NOL4: variants seen among roughly 807,000 people sequenced by gnomAD.
NOL4 encodes cancer/testis antigen 125.
In NOL4, 17 loss-of-function variants were observed where a neutral mutation model predicts 75.9. That is an observed-to-expected ratio of 0.22 (90% CI 0.15 to 0.34). NOL4 has a LOEUF of 0.34. Among genes scored for constraint, NOL4 ranks in the 10% least tolerant of loss-of-function variants. The pLI, the probability that NOL4 is intolerant of heterozygous loss-of-function variation, is 1.00. For synonymous variants in NOL4, 292 were observed against 289.9 expected, an observed-to-expected ratio of 1.01 and a Z score of -0.07; for missense variants, 614 against 793.5, an observed-to-expected ratio of 0.77 and a Z score of 2.72.
At chr18:34,037,836 G>T (rs1007968988) in intron 5 of NOL4, among the ~76,000 whole-genome samples, 3 of 151,984 alleles carry the variant, frequency 2.0e-5, no homozygotes, top group Admixed American at 1.3e-4. Flanking sequence ...ACTGGTCTAG[G>T]CAAAGGTTTC....
Position 33,957,472 on chromosome 18 carries a change from G to C in NOL4, c.1282C>G (p.Pro428Ala). 1 of 1,613,424 alleles carries C rather than the reference G, an allele frequency of 6.2e-7. No individual in the cohort carries two copies. The highest frequency in any genetic ancestry group is 8.5e-7 in the Non-Finnish European group (1 of 1,179,698). ...FVDENLDRMV[P>A]ISKQPKEKIQ... ...TTTTCTTTGGGCTGCTTAGAGATTGGGACCATTCGGTCCAAGTTTTCATCT... is the reference window on the plus strand; with the variant it reads ...TTTTCTTTGGGCTGCTTAGAGATTGCGACCATTCGGTCCAAGTTTTCATCT... The change falls in exon 8 of 11, where the codon CCA becomes GCA. Residue 428 changes from proline to alanine, a missense_variant. Around this residue, in one of 9 missense-constraint regions of NOL4, gnomAD observed 52 missense variants for 121.1 expected, o/e 0.43. Transcript: ENST00000261592.
In NOL4 at chr18:33,989,093, G is replaced by C. The variant is rs572380971; in HGVS notation, c.1056+30225C>G. On this transcript the variant is annotated intron_variant, in intron 6 of 10. Coordinates refer to ENST00000261592, the MANE Select transcript of NOL4 (RefSeq NM_003787.5). Reference sequence around the variant, plus strand: ...TCTCAGATATTTGGGAGGCTGAGGTGGGGAGGATCAACTGAGCCCAGGAGG... The same window carrying C: ...TCTCAGATATTTGGGAGGCTGAGGTCGGGAGGATCAACTGAGCCCAGGAGG... Among the ~76,000 whole-genome samples the C allele has an allele frequency of 3.3e-5, 5 of 150,148 alleles. No individual in the cohort carries two copies. In the South Asian group the frequency reaches 1.1e-3, roughly 32 times the overall value.
At chr18:34,196,274 G>T (rs946488865) in intron 1 of NOL4, among the ~76,000 whole-genome samples, 2 of 152,040 alleles carry the variant, frequency 1.3e-5, no homozygotes, top group Non-Finnish European at 2.9e-5. Context: ...AAATACTAAG[G>T]ACAGTCAACT....
chr18:33,998,491 T>C (rs1164843293), intron 6 of NOL4, among the ~76,000 whole-genome samples: 1 of 152,072 alleles, frequency 6.6e-6, no homozygotes, highest in Non-Finnish European at 1.5e-5. Flanking sequence ...AATATACTGG[T>C]GGGCAGAAAA....
At chr18:34,054,480 TTTTTA>T (rs1267857380) in intron 5 of NOL4, among the ~76,000 whole-genome samples, 1 of 151,910 alleles carries the variant, frequency 6.6e-6, no homozygotes, top group East Asian at 1.9e-4. Flanking sequence ...CTTCTAACCA[TTTTTA>T]TTTTAAAGTC....
chr18:34,168,479 T>C (rs1427082436), intron 1 of NOL4, among the ~76,000 whole-genome samples: 1 of 150,276 alleles, frequency 6.7e-6, no homozygotes, highest in African/African-American at 2.4e-5. Context: ...GCCCCACAGA[T>C]AGGAAAAGAA....
intron 9 of NOL4, among the ~76,000 whole-genome samples, chr18:33,925,067 A>T (rs1462936373): frequency 3.9e-5 from 6 of 152,212 alleles, no homozygotes; most frequent in African/African-American, 1.4e-4. Context: ...AAATAATAAT[A>T]GTGATAATGT....
intron 1 of NOL4, among the ~76,000 whole-genome samples, chr18:34,155,865 A>T (rs1173273679): frequency 6.6e-6 from 1 of 152,160 alleles, no homozygotes; most frequent in Admixed American, 6.6e-5. Flanking sequence ...TCTTGTCATG[A>T]TTAAAAACTT....
chr18:34,004,955 T>A (rs925349876), intron 6 of NOL4, among the ~76,000 whole-genome samples: 6 of 152,070 alleles, frequency 3.9e-5, no homozygotes, highest in African/African-American at 1.4e-4. Context: ...AAACCTATGC[T>A]TTTTCCATTT....
At chr18:34,113,843 CTA>C (rs2079723875) in intron 2 of NOL4, among the ~76,000 whole-genome samples, 1 of 152,130 alleles carries the variant, frequency 6.6e-6, no homozygotes, top group South Asian at 2.1e-4. Context: ...TTAAGTACCT[CTA>C]TGACTCTTAC....
intron 2 of NOL4, among the ~76,000 whole-genome samples, chr18:34,126,320 G>A (rs981860232): frequency 2.0e-5 from 3 of 152,228 alleles, no homozygotes; most frequent in Middle Eastern, 3.4e-3. Flanking sequence ...TTGAAACTGC[G>A]TTAGTCTGGC....
chr18:33,991,937 GT>G (rs1217469812), intron 6 of NOL4, among the ~76,000 whole-genome samples: 3 of 148,028 alleles, frequency 2.0e-5, no homozygotes, highest in Admixed American at 2.0e-4. Flanking sequence ...GAAGTCCTAG[GT>G]TTTTGTACTT....
chr18:33,925,135 T>C (rs1217156786), intron 9 of NOL4, among the ~76,000 whole-genome samples: 3 of 52,280 alleles, frequency 5.7e-5, no homozygotes, highest in South Asian at 4.7e-4. Flanking sequence ...ATTTAAAATA[T>C]ACAATAACAC....
At chr18:33,946,763 A>T (rs780706504) in intron 8 of NOL4, among the ~76,000 whole-genome samples, 2 of 151,750 alleles carry the variant, frequency 1.3e-5, no homozygotes, top group African/African-American at 4.8e-5. Flanking sequence ...TATGATCTTC[A>T]TTAAAAGCAC....
chr18:34,017,189 AC>A (rs2074745655), intron 6 of NOL4, among the ~76,000 whole-genome samples: 1 of 152,102 alleles, frequency 6.6e-6, no homozygotes, highest in Non-Finnish European at 1.5e-5. Context: ...TTAAACTCTT[AC>A]TGTTTTAATA....
intron 6 of NOL4, among the ~76,000 whole-genome samples, chr18:33,968,597 A>G (rs1003440776): frequency 5.3e-5 from 8 of 152,228 alleles, no homozygotes; most frequent in Non-Finnish European, 1.0e-4. Flanking sequence ...TAAAGATTTG[A>G]ACAACAAACT....
At chr18:33,935,758 A>T (rs1302435145) in intron 9 of NOL4, among the ~76,000 whole-genome samples, 1 of 152,142 alleles carries the variant, frequency 6.6e-6, no homozygotes, top group Non-Finnish European at 1.5e-5. Flanking sequence ...AGTTCAATAA[A>T]ATGAGGAATG....
chr18:34,066,068 AT>A (rs1165165571), intron 5 of NOL4, among the ~76,000 whole-genome samples: 1 of 151,918 alleles, frequency 6.6e-6, no homozygotes, highest in African/African-American at 2.4e-5. Flanking sequence ...GGTTCACAGG[AT>A]TGATTTGAAG....
chr18:33,883,962 C>T (rs1203379523), intron 9 of NOL4, among the ~76,000 whole-genome samples: 1 of 151,914 alleles, frequency 6.6e-6, no homozygotes, highest in Non-Finnish European at 1.5e-5. Flanking sequence ...GGAGGAGCTA[C>T]TGGGGAGTCT....
Sources: allele counts gnomAD v4.1 joint callset (sites outside exome capture counted in the v4.1 genomes callset), GRCh38; gene constraint gnomAD v4.1.1; regional missense constraint gnomAD v4.1.1; transcripts MANE v1.5; gene names NCBI Gene and HGNC (gene_info 2026-07-23, HGNC 2026-07-21).